BPHL: variants seen among roughly 807,000 people sequenced by gnomAD.
BPHL encodes serine hydrolase BPHL.
In BPHL, 27 loss-of-function variants were observed where a neutral mutation model predicts 31.2. The ratio of observed to expected loss-of-function variants is 0.87; its 90% CI spans 0.64 to 1.19. The LOEUF (loss-of-function observed/expected upper bound fraction) is 1.19, where lower values mean the gene tolerates loss of function less well. BPHL is among the 50% of genes most tolerant of loss of function. The probability of loss-of-function intolerance (pLI) is 0.00; values close to 1 mark genes in which losing one functional copy is unlikely to be tolerated. For missense variants in BPHL, 356 were observed against 375.7 expected, an observed-to-expected ratio of 0.95 and a Z score of 0.43; for synonymous variants, 150 against 146.8, an observed-to-expected ratio of 1.02 and a Z score of -0.16.
At chr6:3,150,137 AACACAAAAGT>A (rs1168524131) in intron 6 of BPHL, 1 of 152,214 alleles carries the variant, frequency 6.6e-6, no homozygotes, top group East Asian at 1.9e-4. Context: ...GGTTCCAGTA[AACACAAAAGT>A]ACGTACTGGC....
chr6:3,118,979 C>A, intron 1 of BPHL, 132 bp downstream of exon 1: 2 of 789,464 alleles, frequency 2.5e-6, no homozygotes, highest in South Asian at 4.7e-5. Flanking sequence ...GCTGCCCTGT[C>A]GCCCTTTGTG....
chr6:3,129,035 A>G lies in BPHL; in HGVS notation c.379-10A>G, dbSNP rs1403504295. 2.5e-6 allele frequency: 4 copies of G among 1,614,114 alleles called. No homozygotes were observed. The highest frequency in any genetic ancestry group is 1.1e-5 in the South Asian group (1 of 91,096). ...TAACCCGTGCCGTGCATTTTGTCGTATGATCATAGGCGCTGAAGTTTAAGA... is the reference window on the plus strand; with the variant it reads ...TAACCCGTGCCGTGCATTTTGTCGTGTGATCATAGGCGCTGAAGTTTAAGA... On this transcript the variant is annotated splice_polypyrimidine_tract_variant and intron_variant, in intron 3 of 6. Transcript: ENST00000380379.
intron 6 of BPHL, 125 bp from the exon 7 acceptor site, chr6:3,152,363 A>C (rs755281008): frequency 5.7e-5 from 43 of 754,512 alleles, no homozygotes; most frequent in Non-Finnish European, 8.9e-5. Context: ...TTTCTCCTCG[A>C]TAGTGGTCAT....
At chr6:3,144,372 CT>C (rs58022650) in intron 6 of BPHL, among the ~76,000 whole-genome samples, 10,234 of 64,704 alleles carry the variant, frequency 0.16, 322 homozygotes, top group African/African-American at 0.35. Flanking sequence ...TGGCCTTCTT[CT>C]TTTTTTTTTT....
chr6:3,148,320 C>T (rs1472870425), intron 6 of BPHL, among the ~76,000 whole-genome samples: 1 of 152,220 alleles, frequency 6.6e-6, no homozygotes, highest in African/African-American at 2.4e-5. Context: ...CTGCAGCTTC[C>T]TTGGCTGTTT....
intron 1 of BPHL, 41 bp downstream of exon 1, chr6:3,118,888 C>T (rs1023143507): frequency 2.0e-5 from 24 of 1,225,762 alleles, no homozygotes; most frequent in Non-Finnish European, 2.4e-5. Context: ...CCAGCATCGG[C>T]GCGCTCGAGG....
intron 1 of BPHL, among the ~76,000 whole-genome samples, chr6:3,121,081 C>G (rs1193390961): frequency 6.6e-6 from 1 of 152,014 alleles, no homozygotes; most frequent in East Asian, 1.9e-4. Flanking sequence ...AATGTAAAAG[C>G]CTGGGGATAT....
chr6:3,134,438 C>CTTT (rs554446648), intron 4 of BPHL, among the ~76,000 whole-genome samples: 138 of 132,576 alleles, frequency 1.0e-3, no homozygotes, highest in African/African-American at 3.8e-3. Context: ...CTTTTCTTTC[C>CTTT]TTTTTTTTTT....
At chr6:3,129,841 T>C (rs1002658168) in intron 4 of BPHL, among the ~76,000 whole-genome samples, 3 of 150,968 alleles carry the variant, frequency 2.0e-5, no homozygotes, top group African/African-American at 4.9e-5. Context: ...AGTTTCACTC[T>C]TGTTGCCTGG....
At chr6:3,145,526 T>TC (rs1223399705) in intron 6 of BPHL, among the ~76,000 whole-genome samples, 1 of 65,158 alleles carries the variant, frequency 1.5e-5, no homozygotes. Context: ...TGGTTCAGGG[T>TC]GGAGTGCTGG....
chr6:3,137,463 G>A lies in BPHL; in HGVS notation c.634G>A (p.Gly212Ser), dbSNP rs759974373. ...FARTCEKWVD[G>S]IRQFKHLPDG... is the part of the protein sequence containing the mutation. ...CAGAACCTGTGAAAAGTGGGTGGAT[G>A]GCATAAGACAGTTTAAACATCTCCC... The change falls in exon 5 of 7, where the codon GGC becomes AGC. Residue 212 changes from glycine (G) to serine (S), a missense_variant. By Grantham distance (56) the Gly-to-Ser change is moderately conservative (BLOSUM62 0). Coordinates refer to ENST00000380379, the MANE Select transcript of BPHL (RefSeq NM_004332.4). 4.3e-6 allele frequency: 7 copies of A among 1,613,466 alleles called. No homozygotes were observed. The highest frequency in any genetic ancestry group is 2.2e-5 in the East Asian group (1 of 44,884).
At chr6:3,150,190 A>G (rs3799214) in intron 6 of BPHL, 12,853 of 152,178 alleles carry the variant, frequency 0.084, 789 homozygotes, top group African/African-American at 0.17. Context: ...TGACAACTTC[A>G]TGGATTCATA....
chr6:3,124,157 A>G (rs1761654273), intron 2 of BPHL: 1 of 154,012 alleles, frequency 6.5e-6, no homozygotes, highest in Non-Finnish European at 1.4e-5. Flanking sequence ...ACTAGAGTGA[A>G]TTGATCACTT....
intron 2 of BPHL, among the ~76,000 whole-genome samples, chr6:3,126,586 C>CT (rs551046674): frequency 0.021 from 2,987 of 141,074 alleles, 85 homozygotes; most frequent in African/African-American, 0.069. Context: ...AGCGCGCCTC[C>CT]TTTTTTTTTT....
At chr6:3,120,720 T>G (rs1761545632) in intron 1 of BPHL, among the ~76,000 whole-genome samples, 1 of 152,200 alleles carries the variant, frequency 6.6e-6, no homozygotes, top group African/African-American at 2.4e-5. Flanking sequence ...AAGAAAAGCC[T>G]TTTCTACCTG....
chr6:3,127,372 T>A lies in BPHL; in HGVS notation c.342T>A (p.Phe114Leu), dbSNP rs759596804. ...PPDRDFPADF[F>L]ERDAKDAVDL... Reference sequence around the variant, plus strand: ...ATCGCGATTTCCCAGCAGACTTTTTTGAAAGGGATGCAAAAGATGCTGTTG... The same window carrying A: ...ATCGCGATTTCCCAGCAGACTTTTTAGAAAGGGATGCAAAAGATGCTGTTG... Residue 114 changes from phenylalanine (F) to leucine (L), a missense_variant, in exon 3 of 7, where the codon TTT becomes TTA. By Grantham distance (22) the Phe-to-Leu change is conservative. Transcript: ENST00000380379. The A allele has an allele frequency of 1.2e-6, 2 of 1,608,580 alleles. No individual in the cohort carries two copies. Among genetic ancestry groups the A allele is most frequent in the Non-Finnish European group, 1.7e-6 (2 of 1,176,452 alleles).
intron 6 of BPHL, 118 bp from the exon 7 acceptor site, chr6:3,152,370 T>C: frequency 1.2e-6 from 1 of 802,192 alleles, no homozygotes; most frequent in Non-Finnish European, 2.0e-6. Flanking sequence ...TCGATAGTGG[T>C]CATGGGGGAA....
At position 3,145,540 on chromosome 6, in the gene BPHL, C is replaced by T. The variant is rs139734089; in HGVS notation, c.788+5031C>T. On this transcript the variant is annotated intron_variant, in intron 6 of 6. Coordinates refer to ENST00000380379, the MANE Select transcript of BPHL (RefSeq NM_004332.4). Reference sequence around the variant, plus strand: ...CTGGTTCAGGGTGGAGTGCTGGTTCCGGTTGGAGTGCTGGTGTGGGTTGGA... The same window carrying T: ...CTGGTTCAGGGTGGAGTGCTGGTTCTGGTTGGAGTGCTGGTGTGGGTTGGA... 6.9e-4 allele frequency among the ~76,000 whole-genome samples: 8 copies of T among 11,534 alleles called. 3 individuals carry two copies. Among genetic ancestry groups the T allele is most frequent in the Non-Finnish European group, 9.3e-4 (5 of 5,402 alleles). 7.6% of individuals were successfully genotyped at this position (11,534 alleles called of 152,430 possible). A position where few individuals can be genotyped will look rare whatever the true frequency, so the allele number is the denominator to read the frequency against.
rs1233901527 is a variant in BPHL at position 3,146,283 on chromosome 6, G to A, written c.788+5774G>A. Among the ~76,000 whole-genome samples, 2 of 59,546 alleles carry A rather than the reference G, an allele frequency of 3.4e-5. 1 individual carries two copies. The highest frequency in any genetic ancestry group is 7.6e-5 in the Non-Finnish European group (2 of 26,392). 39.1% of individuals were successfully genotyped at this position (59,546 alleles called of 152,430 possible). ...AGTGCTGGTTCGGGTCGGAGTGCTG[G>A]TTCGGGTCGAGTGCTGGTTCGGGTT... On this transcript the variant is annotated intron_variant, in intron 6 of 6. Coordinates refer to ENST00000380379, the MANE Select transcript of BPHL (RefSeq NM_004332.4).
Sources: gnomAD v4.1 joint callset for allele counts (sites outside exome capture counted in the v4.1 genomes callset) on GRCh38, gnomAD v4.1.1 for gene constraint, MANE v1.5 for transcripts, NCBI Gene and HGNC (gene_info 2026-07-23, HGNC 2026-07-21) for gene names.